Variants in HS6ST2 observed in about 807,000 individuals in gnomAD.
HS6ST2 encodes the protein heparan sulfate 6-O-sulfotransferase 2.
Under a neutral mutation model 33.0 loss-of-function variants are expected in HS6ST2, and 17 were observed. The observed-to-expected ratio is 0.52, with a 90% CI of 0.35 to 0.77. The LOEUF is 0.77. Ranked by LOEUF, HS6ST2 falls within the 30% of genes least tolerant of loss-of-function variation. The probability of loss-of-function intolerance (pLI) is 0.01; values close to 1 mark genes in which losing one functional copy is unlikely to be tolerated. For synonymous variants in HS6ST2, 248 were observed against 237.1 expected (o/e 1.05, Z -0.42); for missense variants, 519 against 551.7 (o/e 0.94, Z 0.59).
chrX:132,778,560 C>A (rs1449979599), intron 2 of HS6ST2, among the ~76,000 whole-genome samples: 1 of 74,375 alleles, frequency 1.3e-5, no homozygotes, highest in African/African-American at 6.3e-5. Context: ...CCACCACACC[C>A]AGCTAATTTT....
chrX:132,878,246 T>C (rs765139785), intron 2 of HS6ST2, among the ~76,000 whole-genome samples: 36 of 111,848 alleles, frequency 3.2e-4, no homozygotes, highest in African/African-American at 1.1e-3. Context: ...CACAATTGAA[T>C]ACCAGGGCCA....
chrX:132,628,972 T>C lies in HS6ST2; in HGVS notation c.1189A>G (p.Thr397Ala), dbSNP rs775196736. The C allele has an allele frequency of 3.3e-6, 4 of 1,209,643 alleles. No individual in the cohort carries two copies. The highest frequency in any genetic ancestry group is 4.4e-5 in the Admixed American group (2 of 45,798). The change falls in exon 5 of 5, where the codon ACC (threonine) becomes GCC (alanine). Residue 397 changes from threonine to alanine, a missense_variant. Physicochemically the swap from Thr to Ala is moderately conservative, Grantham distance 58. Transcript: ENST00000370833. ...TAGCAGCTGGGCAGCTCTTCGGAGG[T>C]TGGAGGCCTTCCATCGCAGACATGC... ...SLHVCDGRPP[T>A]SEELPSCYTG...
intron 3 of HS6ST2, among the ~76,000 whole-genome samples, chrX:132,680,234 T>C (rs2063958680): frequency 9.0e-6 from 1 of 110,941 alleles, no homozygotes. Context: ...CTAATAAATG[T>C]CCAAGAAATC....
chrX:132,889,608 G>T (rs2066287329), intron 2 of HS6ST2, among the ~76,000 whole-genome samples: 1 of 111,338 alleles, frequency 9.0e-6, no homozygotes, highest in Non-Finnish European at 1.9e-5. Context: ...GAAAGTGTAA[G>T]GTTAAATATG....
At chrX:132,882,631 T>C (rs1382427480) in intron 2 of HS6ST2, among the ~76,000 whole-genome samples, 13 of 108,153 alleles carry the variant, frequency 1.2e-4, no homozygotes, top group Non-Finnish European at 2.3e-4. Flanking sequence ...TTCTCCTGCC[T>C]GATTGCCCTG....
chrX:132,946,525 C>T (rs2066958216), intron 2 of HS6ST2, among the ~76,000 whole-genome samples: 1 of 111,386 alleles, frequency 9.0e-6, no homozygotes, highest in South Asian at 3.8e-4. Flanking sequence ...GGACAGAAAA[C>T]CAAACACCGC....
upstream of HS6ST2, chrX:132,958,799 A>G: frequency 5.4e-6 from 2 of 369,281 alleles, no homozygotes; most frequent in Non-Finnish European, 9.1e-6. Flanking sequence ...TAAAATAGCA[A>G]AGGCGCAAAT....
chrX:132,657,948 T>C (rs1226730476), intron 4 of HS6ST2, among the ~76,000 whole-genome samples: 2 of 108,609 alleles, frequency 1.8e-5, no homozygotes, highest in African/African-American at 3.4e-5. Flanking sequence ...CATGCAGACG[T>C]TGGGTACAGA....
chrX:132,777,039 G>A (rs975555414), intron 2 of HS6ST2, among the ~76,000 whole-genome samples: 1 of 105,277 alleles, frequency 9.5e-6, no homozygotes, highest in Non-Finnish European at 1.9e-5. Context: ...ATGGAAGGCC[G>A]TGGAAATGTC....
chrX:132,957,046 T>C lies in HS6ST2; in HGVS notation c.709A>G (p.Thr237Ala), dbSNP rs764904835. The C allele has an allele frequency of 8.3e-7, 1 of 1,211,562 alleles. No individual in the cohort carries two copies. ...TGGCGGCCGAAAGTGGTGCCCCCGG[T>C]CTTCTGGATGTGCAGGAACACGATC... is the stretch of plus-strand genomic sequence containing the variant. ...DLIVFLHIQK[T>A]GGTTFGRHLV... The change falls in exon 2 of 5, where the codon ACC becomes GCC. Residue 237 changes from threonine to alanine, a missense_variant. Thr to Ala is a moderately conservative substitution (Grantham distance 58). Coordinates refer to ENST00000370833, the MANE Select transcript of HS6ST2 (RefSeq NM_001394073.1).
intron 2 of HS6ST2, among the ~76,000 whole-genome samples, chrX:132,791,118 G>C (rs1351032552): frequency 9.0e-6 from 1 of 111,093 alleles, no homozygotes; most frequent in Non-Finnish European, 1.9e-5. Flanking sequence ...CTGCATTCCA[G>C]CCTGGGTGAT....
At chrX:132,901,139 C>T (rs1668088952) in intron 2 of HS6ST2, among the ~76,000 whole-genome samples, 1 of 111,581 alleles carries the variant, frequency 9.0e-6, no homozygotes, top group Non-Finnish European at 1.9e-5. Flanking sequence ...TTGCATCCTC[C>T]CTCAATCAAG....
At chrX:132,945,328 T>C (rs1487464936) in intron 2 of HS6ST2, among the ~76,000 whole-genome samples, 1 of 111,648 alleles carries the variant, frequency 9.0e-6, no homozygotes. Context: ...CCAGTTAGAA[T>C]GGCGATCATT....
At chrX:132,928,939 G>A (rs2066737543) in intron 2 of HS6ST2, among the ~76,000 whole-genome samples, 1 of 111,712 alleles carries the variant, frequency 9.0e-6, no homozygotes, top group Non-Finnish European at 1.9e-5. Flanking sequence ...TTCATGCTGA[G>A]TCAGTGGCAG....
intron 2 of HS6ST2, among the ~76,000 whole-genome samples, chrX:132,798,432 G>A (rs868305690): frequency 1.8e-5 from 2 of 110,899 alleles, no homozygotes; most frequent in South Asian, 3.9e-4. Flanking sequence ...AAGCTATGCC[G>A]CCTCTTTGTA....
chrX:132,679,173 G>T (rs1462771194), intron 3 of HS6ST2, among the ~76,000 whole-genome samples: 1 of 112,363 alleles, frequency 8.9e-6, no homozygotes. Context: ...GATCAAAGAT[G>T]CTGTAACATG....
At chrX:132,879,767 C>T (rs566285985) in intron 2 of HS6ST2, among the ~76,000 whole-genome samples, 1 of 112,029 alleles carries the variant, frequency 8.9e-6, no homozygotes, top group Non-Finnish European at 1.9e-5. Context: ...ACTGGAAATA[C>T]AAGTTGAAGA....
chrX:132,787,176 TATATATATATAC>T lies in HS6ST2; in HGVS notation c.948-78694_948-78683del, dbSNP rs1364815955. Among the ~76,000 whole-genome samples the T allele has an allele frequency of 8.2e-4, 68 of 83,358 alleles. 2 individuals carry two copies. In the Middle Eastern group the frequency reaches 0.022, roughly 27 times the overall value. 72.4% of individuals were successfully genotyped at this position (83,358 alleles called of 115,157 possible). A position where few individuals can be genotyped will look rare whatever the true frequency, so the allele number is the denominator to read the frequency against. On this transcript the variant is annotated intron_variant, in intron 2 of 4. Coordinates refer to ENST00000370833, the MANE Select transcript of HS6ST2 (RefSeq NM_001394073.1). ...GTGTGTATATATATATGTATATATATATATATATATACATATATATATACACATATATATATA... is the reference window on the plus strand; with the variant it reads ...GTGTGTATATATATATGTATATATATATATATATATACACATATATATATA...
chrX:132,644,870 C>T (rs2063628982), intron 4 of HS6ST2, among the ~76,000 whole-genome samples: 1 of 111,487 alleles, frequency 9.0e-6, no homozygotes, highest in Non-Finnish European at 1.9e-5. Context: ...TGCCTCAGGT[C>T]CCCAGGTTGG....
Sources: allele counts gnomAD v4.1 joint callset (sites outside exome capture counted in the v4.1 genomes callset), GRCh38; gene constraint gnomAD v4.1.1; transcripts MANE v1.5; gene names NCBI Gene and HGNC (gene_info 2026-07-23, HGNC 2026-07-21).